Variants in ZNF251 observed in about 807,000 individuals in gnomAD.
The protein encoded by ZNF251 is zinc finger protein 251.
A neutral mutation model predicts 13.5 loss-of-function variants in ZNF251; 14 were observed. The ratio of observed to expected loss-of-function variants is 1.04; its 90% CI spans 0.69 to 1.63. The LOEUF (loss-of-function observed/expected upper bound fraction) is 1.63, where lower values mean the gene tolerates loss of function less well. Ranked by LOEUF, ZNF251 falls within the 40% of genes most tolerant of loss-of-function variation. The pLI is 0.00. For synonymous variants in ZNF251, 287 were observed against 295.2 expected (o/e 0.97, Z 0.28); for missense variants, 764 against 834.9 (o/e 0.92, Z 1.05).
intron 4 of ZNF251, chr8:144,730,010 G>A (rs1424938368): frequency 1.0e-6 from 1 of 984,230 alleles, no homozygotes; most frequent in African/African-American, 1.7e-5. Context: ...GTTGTTCCCA[G>A]GAGCGGGTGC....
At chr8:144,754,659 A>C (rs1250791411) in intron 2 of ZNF251, 37 bp downstream of exon 2, 1 of 1,588,044 alleles carries the variant, frequency 6.3e-7, no homozygotes. Flanking sequence ...GATGGGGATG[A>C]AGATGAAGAG....
chr8:144,737,855 A>C (rs1823976185), intron 4 of ZNF251, among the ~76,000 whole-genome samples: 1 of 151,426 alleles, frequency 6.6e-6, no homozygotes, highest in African/African-American at 2.4e-5. Flanking sequence ...AAAAAAAAAA[A>C]AAAAAAAGGG....
At chr8:144,723,446 T>C in intron 4 of ZNF251, 64 bp from the exon 5 acceptor site, 1 of 1,262,800 alleles carries the variant, frequency 7.9e-7, no homozygotes. Context: ...ATGTCCATAA[T>C]GTGGTAGAAG....
intron 4 of ZNF251, among the ~76,000 whole-genome samples, chr8:144,752,262 G>A (rs945304069): frequency 5.3e-5 from 8 of 151,936 alleles, no homozygotes; most frequent in Non-Finnish European, 7.4e-5. Flanking sequence ...TTCAGTGCAC[G>A]TGGTATTTGT....
rs908991496 is a variant in ZNF251 at position 144,732,851 on chromosome 8, C to T, written c.278-9469G>A. On this transcript the variant is annotated intron_variant, in intron 4 of 4. Transcript: ENST00000292562. ...AAAAATACATTGGACAGCCTTAGAA[C>T]CTATCAGACCTCAAAAAACAAACCA... 2.0e-5 allele frequency among the ~76,000 whole-genome samples: 3 copies of T among 150,816 alleles called. No homozygotes were observed. The South Asian group carries it at 6.3e-4, about 32-fold the overall frequency.
chr8:144,728,068 C>G (rs1338634265), intron 4 of ZNF251, among the ~76,000 whole-genome samples: 3 of 152,198 alleles, frequency 2.0e-5, no homozygotes, highest in Non-Finnish European at 4.4e-5. Context: ...CCTTACTAAA[C>G]TTGGTCATTT....
Position 144,755,485 on chromosome 8 carries a change from A to G in ZNF251, c.-156T>C, listed in dbSNP as rs970018439. On this transcript the variant is annotated 5_prime_UTR_variant, in exon 1 of 5. Coordinates refer to ENST00000292562, the MANE Select transcript of ZNF251 (RefSeq NM_138367.2). ...CACCGAGCCCGGAACGGACCCTCCC[A>G]CAGAACCGGGTCCAGAGCCGGGGAG... 2.3e-6 allele frequency: 3 copies of G among 1,287,194 alleles called. No individual in the cohort carries two copies. Among genetic ancestry groups the G allele is most frequent in the Non-Finnish European group, 3.0e-6 (3 of 988,648 alleles). 79.7% of individuals were successfully genotyped at this position (1,287,194 alleles called of 1,614,324 possible).
intron 4 of ZNF251, chr8:144,753,344 G>T: frequency 5.8e-6 from 1 of 173,820 alleles, no homozygotes; most frequent in Non-Finnish European, 1.2e-5. Context: ...AGAATGGAGT[G>T]AAGAATAAAA....
At chr8:144,739,937 A>G (rs2130005802) in intron 4 of ZNF251, among the ~76,000 whole-genome samples, 1 of 152,252 alleles carries the variant, frequency 6.6e-6, no homozygotes. Flanking sequence ...CAGTGGGAAC[A>G]AAGTTTAGCT....
At chr8:144,723,494 T>C (rs1327280827) in intron 4 of ZNF251, 112 bp from the exon 5 acceptor site, 1 of 707,244 alleles carries the variant, frequency 1.4e-6, no homozygotes, top group Admixed American at 3.9e-5. Context: ...GATGCTCCAA[T>C]AGGAAAAGAT....
At chr8:144,724,261 CAAAAAAAAAA>C (rs1175216003) in intron 4 of ZNF251, among the ~76,000 whole-genome samples, 3 of 35,840 alleles carry the variant, frequency 8.4e-5, no homozygotes, top group South Asian at 1.3e-3. Flanking sequence ...GACTCCGTCT[CAAAAAAAAAA>C]AAAAAAAAAA....
In ZNF251 at chr8:144,738,656, G is replaced by T. The variant is rs115222448; in HGVS notation, c.277+15027C>A. On this transcript the variant is annotated intron_variant, in intron 4 of 4. Coordinates refer to ENST00000292562, the MANE Select transcript of ZNF251 (RefSeq NM_138367.2). ...TGCCCATAGATTTAGACTCAGTCAG[G>T]CAAGTGGAAACAGCACAGTTCTCTC... 5.5e-3 allele frequency: 5,429 copies of T among 985,410 alleles called. 231 individuals are homozygous for T. In the African/African-American group the frequency reaches 0.09, roughly 16 times the overall value. The allele number at this position is 985,410 out of a possible 1,614,324, so 61.0% of individuals were successfully genotyped here. A position where few individuals can be genotyped will look rare whatever the true frequency, so the allele number is the denominator to read the frequency against.
chr8:144,738,235 G>T (rs1217236325), intron 4 of ZNF251, among the ~76,000 whole-genome samples: 2 of 152,178 alleles, frequency 1.3e-5, no homozygotes, highest in African/African-American at 4.8e-5. Context: ...TGGAGTCTCA[G>T]GAGGAAACAT....
At chr8:144,733,832 G>GAAAAAAGA (rs948103602) in intron 4 of ZNF251, among the ~76,000 whole-genome samples, 1 of 151,788 alleles carries the variant, frequency 6.6e-6, no homozygotes, top group East Asian at 1.9e-4. Context: ...GAAACAAAAG[G>GAAAAAAGA]AAAAAAGAAA....
At chr8:144,724,219 G>A (rs1823453506) in intron 4 of ZNF251, among the ~76,000 whole-genome samples, 1 of 131,490 alleles carries the variant, frequency 7.6e-6, no homozygotes, top group East Asian at 2.2e-4. Context: ...CTGAGATCGC[G>A]CCACTGCACT....
chr8:144,747,673 G>A (rs534404711), intron 4 of ZNF251, among the ~76,000 whole-genome samples: 66 of 212 alleles, frequency 0.31, 1 homozygote, highest in Middle Eastern at 0.5. Flanking sequence ...GTGCGATGGC[G>A]CGAATCTCGG....
intron 4 of ZNF251, among the ~76,000 whole-genome samples, chr8:144,736,044 G>A (rs958437841): frequency 2.6e-5 from 4 of 152,164 alleles, no homozygotes; most frequent in African/African-American, 4.8e-5. Flanking sequence ...ACTAAGAACC[G>A]GACCCTCATG....
chr8:144,737,174 G>C (rs1823935244), intron 4 of ZNF251, among the ~76,000 whole-genome samples: 1 of 151,880 alleles, frequency 6.6e-6, no homozygotes, highest in South Asian at 2.1e-4. Flanking sequence ...CTCAGCTCAT[G>C]GCAGTCTTGA....
chr8:144,736,959 T>A (rs1399444485), intron 4 of ZNF251, among the ~76,000 whole-genome samples: 2 of 150,780 alleles, frequency 1.3e-5, no homozygotes, highest in African/African-American at 2.5e-5. Context: ...CCCACCACCA[T>A]GCCTGCTAAT....
Sources: gnomAD v4.1 joint callset for allele counts (sites outside exome capture counted in the v4.1 genomes callset) on GRCh38, gnomAD v4.1.1 for gene constraint, MANE v1.5 for transcripts, NCBI Gene and HGNC (gene_info 2026-07-23, HGNC 2026-07-21) for gene names.